FRYL: variants seen among roughly 807,000 people sequenced by gnomAD.
FRYL encodes the protein FRY like transcription coactivator, also known as protein furry homolog-like.
Under a neutral mutation model 351.2 loss-of-function variants are expected in FRYL, and 150 were observed. That is an observed-to-expected ratio of 0.43 (90% confidence interval 0.37 to 0.49). The LOEUF (loss-of-function observed/expected upper bound fraction) is 0.49. Among genes scored for constraint, FRYL ranks in the 20% least tolerant of loss-of-function variants. FRYL has a pLI of 0.00. For missense variants in FRYL, 3,036 were observed against 3,619.3 expected, an observed-to-expected ratio of 0.84 and a Z score of 4.13; for synonymous variants, 1,153 against 1,257.1, an observed-to-expected ratio of 0.92 and a Z score of 1.75.
At chr4:48,745,459 T>C (rs1446161160) in intron 1 of FRYL, among the ~76,000 whole-genome samples, 2 of 152,164 alleles carry the variant, frequency 1.3e-5, no homozygotes, top group Admixed American at 6.5e-5. Context: ...TGTAGGGACA[T>C]GGATGAACTG....
At position 48,664,238 on chromosome 4, in the gene FRYL, G is replaced by A. The variant is rs147738491; in HGVS notation, c.-81+20435C>T. 2.6e-3 allele frequency among the ~76,000 whole-genome samples: 397 copies of A among 152,288 alleles called. 2 individuals carry two copies. The highest frequency in any genetic ancestry group is 9.1e-3 in the African/African-American group (379 of 41,550). On this transcript the variant is annotated intron_variant, in intron 3 of 63. Transcript: ENST00000358350. ...GTAGATACTGAAATGCCCAAGAAGG[G>A]TTTTGAGATCAGAACAAGATCAGAC...
At chr4:48,646,912 T>C (rs1019801568) in intron 3 of FRYL, among the ~76,000 whole-genome samples, 3 of 152,142 alleles carry the variant, frequency 2.0e-5, no homozygotes, top group African/African-American at 7.2e-5. Flanking sequence ...GCAGATGTTA[T>C]CCTGGCAAAC....
chr4:48,734,118 C>CA (rs1257004342), intron 1 of FRYL, among the ~76,000 whole-genome samples: 1 of 152,022 alleles, frequency 6.6e-6, no homozygotes, highest in African/African-American at 2.4e-5. Flanking sequence ...GAAAGATTGT[C>CA]AGAGTGGATC....
chr4:48,585,009 T>C (rs1167780281), intron 19 of FRYL, among the ~76,000 whole-genome samples: 3 of 152,168 alleles, frequency 2.0e-5, no homozygotes, highest in African/African-American at 4.8e-5. Flanking sequence ...GTCTGCTCTT[T>C]TACTAGGCTT....
rs750172959 is a variant in FRYL at position 48,534,644 on chromosome 4, T to C, written c.6606A>G (p.Leu2202=). The change falls in exon 49 of 64, where the codon CTA becomes CTG. Residue 2202 remains leucine, a synonymous_variant. Transcript: ENST00000358350. ...KGLSSMQQSL[L]QIIYSLLSHI... is the part of the protein sequence containing the mutation. ...GACTCAATAGACTATAAATAATCTG[T>C]AGTAATGATTGCTGCATACTGGACA... The C allele has an allele frequency of 1.9e-6, 3 of 1,587,380 alleles. No individual in the cohort carries two copies. The highest frequency in any genetic ancestry group is 3.3e-5 in the Admixed American group (2 of 59,858).
intron 16 of FRYL, 118 bp from the exon 17 acceptor site, chr4:48,590,948 G>A (rs1228258195): frequency 1.6e-5 from 11 of 696,934 alleles, no homozygotes; most frequent in Admixed American, 2.9e-5. Flanking sequence ...GAAGATAGAA[G>A]GAACACTAAC....
intron 29 of FRYL, 100 bp from the exon 30 acceptor site, chr4:48,565,143 TTAATC>T: frequency 1.7e-6 from 1 of 572,418 alleles, no homozygotes; most frequent in South Asian, 3.5e-5. Flanking sequence ...TCACAATACT[TTAATC>T]TTTTTTCTTT....
At chr4:48,596,796 T>A (rs1744676611) in intron 13 of FRYL, among the ~76,000 whole-genome samples, 1 of 152,142 alleles carries the variant, frequency 6.6e-6, no homozygotes, top group South Asian at 2.1e-4. Flanking sequence ...TCATTCTAGC[T>A]GTTATAAAAA....
chr4:48,698,473 T>A (rs1350933425), intron 2 of FRYL, among the ~76,000 whole-genome samples: 1 of 152,204 alleles, frequency 6.6e-6, no homozygotes, highest in Non-Finnish European at 1.5e-5. Context: ...ACACAACAGC[T>A]CCTGGCTCTG....
At chr4:48,505,219 C>T (rs1720637764) in intron 60 of FRYL, among the ~76,000 whole-genome samples, 1 of 152,072 alleles carries the variant, frequency 6.6e-6, no homozygotes, top group South Asian at 2.1e-4. Context: ...AACAGAATAG[C>T]AGAATACTAA....
chr4:48,523,755 T>C (rs2148838984), intron 53 of FRYL, among the ~76,000 whole-genome samples: 1 of 152,210 alleles, frequency 6.6e-6, no homozygotes, highest in Admixed American at 6.5e-5. Context: ...TTTAAGAAAA[T>C]CTTCAAGATT....
chr4:48,544,986 T>G (rs1731018539), intron 42 of FRYL, 82 bp from the exon 43 acceptor site: 2 of 1,391,006 alleles, frequency 1.4e-6, no homozygotes. Context: ...AAATTACACC[T>G]TTACAATTAG....
intron 3 of FRYL, among the ~76,000 whole-genome samples, chr4:48,672,983 C>T (rs1762970395): frequency 6.6e-6 from 1 of 152,204 alleles, no homozygotes; most frequent in Non-Finnish European, 1.5e-5. Flanking sequence ...CTGAAAAGAT[C>T]ACTTACTAAG....
rs562564981 is a variant in FRYL at position 48,716,666 on chromosome 4, T to C, written c.-383-5968A>G. 8.6e-5 allele frequency among the ~76,000 whole-genome samples: 13 copies of C among 151,726 alleles called. No individual in the cohort carries two copies. The South Asian group carries it at 1.5e-3, about 17-fold the overall frequency. ...TGGAGAAATCGGAACACTTTTACACTGTTGGTGGGTCTGTAAACTTGTTCA... is the reference window on the plus strand; with the variant it reads ...TGGAGAAATCGGAACACTTTTACACCGTTGGTGGGTCTGTAAACTTGTTCA... On this transcript the variant is annotated intron_variant, in intron 1 of 63. Coordinates refer to ENST00000358350, the MANE Select transcript of FRYL (RefSeq NM_015030.2).
chr4:48,659,339 T>G, intron 3 of FRYL, among the ~76,000 whole-genome samples: 1 of 144,090 alleles, frequency 6.9e-6, no homozygotes, highest in Non-Finnish European at 1.5e-5. Context: ...GGCAACTAAG[T>G]GAGACTCTTG....
chr4:48,698,787 T>A (rs1766446647), intron 2 of FRYL, among the ~76,000 whole-genome samples: 1 of 151,208 alleles, frequency 6.6e-6, no homozygotes, highest in African/African-American at 2.4e-5. Flanking sequence ...CATATAAGAG[T>A]CAGTAGGCAC....
intron 53 of FRYL, among the ~76,000 whole-genome samples, chr4:48,524,624 A>T (rs180917253): frequency 2.0e-5 from 3 of 152,262 alleles, no homozygotes; most frequent in Non-Finnish European, 2.9e-5. Flanking sequence ...GATTTGGCGT[A>T]ATTATGAGGG....
At chr4:48,616,763 T>A (rs1039744606) in intron 7 of FRYL, among the ~76,000 whole-genome samples, 1 of 152,256 alleles carries the variant, frequency 6.6e-6, no homozygotes, top group Non-Finnish European at 1.5e-5. Context: ...CAACCATTTA[T>A]CAACACTTCA....
At position 48,735,993 on chromosome 4, in the gene FRYL, A is replaced by G. The variant is rs1488459623; in HGVS notation, c.-383-25295T>C. The stretch of plus-strand genomic sequence containing the variant: ...TAATAAAAAAAAAAAAAAAAAAAAA[A>G]AAGAATAAAAATACACAATATCTGC... On this transcript the variant is annotated intron_variant, in intron 1 of 63. Transcript: ENST00000358350. Among the ~76,000 whole-genome samples the G allele has an allele frequency of 9.3e-5, 13 of 139,652 alleles. 1 individual carries two copies. The highest frequency in any genetic ancestry group is 2.4e-4 in the South Asian group (1 of 4,190). 91.6% of individuals were successfully genotyped at this position (139,652 alleles called of 152,430 possible).
Sources: gnomAD v4.1 joint callset for allele counts (sites outside exome capture counted in the v4.1 genomes callset) on GRCh38, gnomAD v4.1.1 for gene constraint, MANE v1.5 for transcripts, NCBI Gene and HGNC (gene_info 2026-07-23, HGNC 2026-07-21) for gene names.